The following COL2A1 variants were observed in gnomAD, a reference collection of about 807,000 sequenced individuals.
COL2A1 encodes the protein collagen type II alpha 1 chain.
In COL2A1, 28 loss-of-function variants were observed where a neutral mutation model predicts 204.5. That is an observed-to-expected ratio of 0.14 (90% CI 0.10 to 0.19). COL2A1 has a LOEUF of 0.19. COL2A1 is among the 10% of genes least tolerant of loss of function. The pLI is 1.00. For missense variants in COL2A1, 1,388 were observed against 2,027.5 expected (o/e 0.68, Z 6.06); for synonymous variants, 708 against 718.7 (o/e 0.99, Z 0.24).
At chr12:47,982,665 T>TCCATGAACATGG in intron 33 of COL2A1, 56 bp from the exon 34 acceptor site, 1 of 1,361,066 alleles carries the variant, frequency 7.3e-7, no homozygotes, top group Non-Finnish European at 1.0e-6. Flanking sequence ...CCTGAACCCA[T>TCCATGAACATGG]GTTCATGGAG....
intron 33 of COL2A1, 73 bp downstream of exon 33, chr12:47,982,775 C>A (rs901081958): frequency 7.1e-7 from 1 of 1,401,636 alleles, no homozygotes; most frequent in Non-Finnish European, 1.0e-6. Flanking sequence ...CTCCTGAGCC[C>A]GCTCCTCTTC....
At chr12:47,979,861 C>A in intron 40 of COL2A1, 148 bp downstream of exon 40, 1 of 751,638 alleles carries the variant, frequency 1.3e-6, no homozygotes. Context: ...CGCCCTCTCT[C>A]CCACCTGGCT....
rs1200667380 is a variant in COL2A1, at chr12:47,977,277, C to T, written c.3273+43G>A. On this transcript the variant is annotated intron_variant, in intron 46 of 53. Coordinates refer to ENST00000380518, the MANE Select transcript of COL2A1 (RefSeq NM_001844.5). The stretch of plus-strand genomic sequence containing the variant: ...AAACCCAGGGACTGCCTCAGCCCCA[C>T]CGCGCAGGGGAAGGCGGCTTTTACT... 1.9e-6 allele frequency: 3 copies of T among 1,576,912 alleles called. No individual in the cohort carries two copies. The South Asian group carries it at 3.3e-5, about 17-fold the overall frequency.
At position 47,979,092 on chromosome 12, in the gene COL2A1, G is replaced by T. The variant is rs578114690; in HGVS notation, c.2734-334C>A. Among the ~76,000 whole-genome samples, 361 of 151,984 alleles carry T rather than the reference G, an allele frequency of 2.4e-3. 2 individuals carry two copies. The highest frequency in any genetic ancestry group is 8.4e-3 in the African/African-American group (350 of 41,424). ...CCCTGCCCCTCTGACCCCTGAGCTT[G>T]CCCCCAGCACTCTCTCCCTCTGCCT... On this transcript the variant is annotated intron_variant, in intron 41 of 53. Transcript: ENST00000380518.
At position 47,990,069 on chromosome 12, in the gene COL2A1, C is replaced by T. The variant is rs558418931; in HGVS notation, c.1024-264G>A. 3.6e-3 allele frequency among the ~76,000 whole-genome samples: 550 copies of T among 152,230 alleles called. 3 individuals are homozygous for T. Among genetic ancestry groups the T allele is most frequent in the African/African-American group, 0.013 (521 of 41,536 alleles). On this transcript the variant is annotated intron_variant, in intron 16 of 53. Transcript: ENST00000380518. Reference sequence around the variant, plus strand: ...GTCGCCAGGCTGGAGTGCAGTGGTGCGGTCTTGGCTCACTACAACCTCCAC... The same window carrying T: ...GTCGCCAGGCTGGAGTGCAGTGGTGTGGTCTTGGCTCACTACAACCTCCAC...
chr12:47,985,015 G>A lies in COL2A1; in HGVS notation c.1813C>T (p.Pro605Ser). Residue 605 changes from proline to serine, a missense_variant, in exon 27 of 54, where the codon CCT becomes TCT. Around this residue, in one of 3 missense-constraint regions of COL2A1, gnomAD observed 884 missense variants for 1,415.8 expected, o/e 0.62. Transcript: ENST00000380518. The stretch of plus-strand genomic sequence containing the variant: ...CTTACGTTGGCACCTTTGGGGCCAG[G>A]GAAACCCATGACACCAGGCTGCCCA... ...ARGQPGVMGF[P>S]GPKGANGEPG... 1 of 1,614,008 alleles carries A rather than the reference G, an allele frequency of 6.2e-7. No homozygotes were observed.
intron 8 of COL2A1, 48 bp downstream of exon 8, chr12:47,996,500 G>A (rs1314507128): frequency 6.7e-7 from 1 of 1,491,416 alleles, no homozygotes; most frequent in South Asian, 1.1e-5. Flanking sequence ...CTCTGCTAAG[G>A]GCCACCTCCT....
At chr12:47,982,729 C>T in intron 33 of COL2A1, 119 bp downstream of exon 33, 1 of 1,256,906 alleles carries the variant, frequency 8.0e-7, no homozygotes, top group South Asian at 1.2e-5. Flanking sequence ...CCATGTAGAC[C>T]TCCTTTCCAG....
In COL2A1 at chr12:47,978,638, G is replaced by T. The variant is rs140740708; in HGVS notation, c.2854C>A (p.Pro952Thr). ...GEPGLQGPAG[P>T]PGEKGEPGDD... ...CCAGGCTCTCCCTTCTCGCCAGGGG[G>T]TCCAGCAGGACCTTGGAGGCCGGGT... Residue 952 changes from proline (P) to threonine (T), a missense_variant, in exon 42 of 54, where the codon CCC (proline) becomes ACC (threonine). Pro to Thr is a conservative substitution (Grantham distance 38). This residue lies in a region of COL2A1 where 884 missense variants were observed against 1,415.8 expected (regional missense o/e 0.62). Coordinates refer to ENST00000380518, the MANE Select transcript of COL2A1 (RefSeq NM_001844.5). This position sits in a 1 kb window ranked among gnomAD's most constrained non-coding sequence, Gnocchi z 5.5. 2.0e-4 allele frequency: 330 copies of T among 1,613,548 alleles called. 3 individuals carry two copies. The East Asian group carries it at 5.5e-3, about 27-fold the overall frequency.
rs1403248335 is a variant in COL2A1, at chr12:47,982,857, A to G, written c.2184T>C (p.Asp728=). The G allele has an allele frequency of 1.9e-6, 3 of 1,611,548 alleles. No homozygotes were observed. The highest frequency in any genetic ancestry group is 2.2e-5 in the South Asian group (2 of 91,068). Residue 728 remains aspartate, a synonymous_variant, in exon 33 of 54, where the codon GAT becomes GAC. Coordinates refer to ENST00000380518, the MANE Select transcript of COL2A1 (RefSeq NM_001844.5). ...PRGLPGTPGT[D]GPKGASGPAG... is the part of the protein sequence containing the mutation. Reference sequence around the variant, plus strand: ...ATGCAGCCTCACTTACTTTGGGACCATCAGTGCCAGGAGTGCCGGGGAGGC... The same window carrying G: ...ATGCAGCCTCACTTACTTTGGGACCGTCAGTGCCAGGAGTGCCGGGGAGGC...
At chr12:47,986,990 G>T in intron 21 of COL2A1, 88 bp downstream of exon 21, 1 of 1,581,914 alleles carries the variant, frequency 6.3e-7, no homozygotes, top group Non-Finnish European at 8.7e-7. Flanking sequence ...CCGCTGTGAG[G>T]CCAGGGCAGG....
Position 47,974,148 on chromosome 12 carries a change from C to T in COL2A1, c.4258G>A (p.Glu1420Lys). The T allele has an allele frequency of 6.2e-7, 1 of 1,613,620 alleles. No individual in the cohort carries two copies. Among genetic ancestry groups the T allele is most frequent in the East Asian group, 2.2e-5 (1 of 44,838 alleles). ...CTGCTATTGCCCTCTGCCCGGATCTCCACGTCATTGGAGCCCTGGATGAGC... is the reference window on the plus strand; with the variant it reads ...CTGCTATTGCCCTCTGCCCGGATCTTCACGTCATTGGAGCCCTGGATGAGC... ...ALLIQGSNDV[E>K]IRAEGNSRFT... The change falls in exon 53 of 54, where the codon GAG becomes AAG. Residue 1420 changes from glutamate to lysine, a missense_variant. Around this residue, in one of 3 missense-constraint regions of COL2A1, gnomAD observed 303 missense variants for 369.2 expected, o/e 0.82. Transcript: ENST00000380518.
chr12:48,004,117 C>A (rs1161472819), intron 1 of COL2A1, 120 bp downstream of exon 1: 8 of 747,580 alleles, frequency 1.1e-5, no homozygotes, highest in African/African-American at 1.7e-5. Context: ...CGGCGCGCTA[C>A]GACCCCGGGA....
chr12:47,997,626 C>G lies in COL2A1; in HGVS notation c.511G>C (p.Gly171Arg), dbSNP rs958614345. ...PGPPGPPGPPGPPGLGGNFAA... is the reference protein window; with the variant it reads ...PGPPGPPGPPRPPGLGGNFAA... ...CTTACTCCACCAAGACCAGGGGGAC[C>G]AGGGGGGCCGGGAGGACCAGGGGGG... The change falls in exon 7 of 54, where the codon GGT (glycine) becomes CGT (arginine). Residue 171 changes from glycine to arginine, a missense_variant. Physicochemically the swap from Gly to Arg is moderately radical, Grantham distance 125. Coordinates refer to ENST00000380518, the MANE Select transcript of COL2A1 (RefSeq NM_001844.5). 12 of 1,613,602 alleles carry G rather than the reference C, an allele frequency of 7.4e-6. No individual in the cohort carries two copies. The highest frequency in any genetic ancestry group is 1.0e-5 in the Non-Finnish European group (12 of 1,179,896).
intron 23 of COL2A1, 75 bp from the exon 24 acceptor site, chr12:47,986,040 A>C (rs1246322609): frequency 4.3e-6 from 6 of 1,399,074 alleles, no homozygotes; most frequent in Non-Finnish European, 5.9e-6. Flanking sequence ...GGTCCATCCC[A>C]CTAACCCACC....
chr12:47,985,033 G>A lies in COL2A1; in HGVS notation c.1795C>T (p.Pro599Ser), dbSNP rs367600621. ...GGGCCAGGGAAACCCATGACACCAGGCTGCCCACGAGCCCCCTGAGGACCT... is the reference window on the plus strand; with the variant it reads ...GGGCCAGGGAAACCCATGACACCAGACTGCCCACGAGCCCCCTGAGGACCT... The part of the protein sequence containing the change: ...PPGPQGARGQ[P>S]GVMGFPGPKG... The change falls in exon 27 of 54, where the codon CCT becomes TCT. Residue 599 changes from proline to serine, a missense_variant. Physicochemically the swap from Pro to Ser is moderately conservative, Grantham distance 74 (BLOSUM62 -1). Around this residue, in one of 3 missense-constraint regions of COL2A1, gnomAD observed 884 missense variants for 1,415.8 expected, o/e 0.62. Transcript: ENST00000380518. 4 of 1,613,982 alleles carry A rather than the reference G, an allele frequency of 2.5e-6. No individual in the cohort carries two copies. Among genetic ancestry groups the A allele is most frequent in the Non-Finnish European group, 3.4e-6 (4 of 1,179,992 alleles).
chr12:47,982,263 C>T, intron 34 of COL2A1, 103 bp from the exon 35 acceptor site: 1 of 1,074,032 alleles, frequency 9.3e-7, no homozygotes, highest in Non-Finnish European at 1.4e-6. Flanking sequence ...CCAGTCCCTG[C>T]CCAAGAGGAA....
Position 47,983,152 on chromosome 12 carries a change from A to G in COL2A1, c.2050-15T>C. ...CCGGGAACACCCTGGAGAACAAAGA[A>G]AGATGTGTGAGAGTGAAGGCTTCAT... On this transcript the variant is annotated splice_polypyrimidine_tract_variant and intron_variant, in intron 31 of 53. Coordinates refer to ENST00000380518, the MANE Select transcript of COL2A1 (RefSeq NM_001844.5). 1 of 1,612,848 alleles carries G rather than the reference A, an allele frequency of 6.2e-7. No homozygotes were observed. The highest frequency in any genetic ancestry group is 8.5e-7 in the Non-Finnish European group (1 of 1,179,458).
chr12:47,978,221 T>C lies in COL2A1; in HGVS notation c.3003+70A>G. On this transcript the variant is annotated intron_variant, in intron 43 of 53. Transcript: ENST00000380518. The surrounding 1 kb of genome is among the most constrained non-coding windows in gnomAD (Gnocchi z 5.5). ...GGCAGACAAGGGACAGTCCTGAGGG[T>C]GCTGAGGGAGGTAGAAGCCTTGGCA... 41 of 1,589,830 alleles carry C rather than the reference T, an allele frequency of 2.6e-5. No individual in the cohort carries two copies. The highest frequency in any genetic ancestry group is 3.4e-5 in the Non-Finnish European group (40 of 1,163,506).
Sources: allele counts gnomAD v4.1 joint callset (sites outside exome capture counted in the v4.1 genomes callset), GRCh38; gene constraint gnomAD v4.1.1; regional missense constraint gnomAD v4.1.1; non-coding constraint Gnocchi (gnomAD v3.1); transcripts MANE v1.5; gene names NCBI Gene and HGNC (gene_info 2026-07-23, HGNC 2026-07-21).